The following ADAMTS17 variants were observed in gnomAD, a reference collection of about 807,000 sequenced individuals.
ADAMTS17 encodes A disintegrin and metalloproteinase with thrombospondin motifs 17.
A neutral mutation model predicts 141.5 loss-of-function variants in ADAMTS17; 113 were observed. That is an observed-to-expected ratio of 0.80 (90% confidence interval 0.69 to 0.93). The LOEUF (loss-of-function observed/expected upper bound fraction) is 0.93, where lower values mean the gene tolerates loss of function less well. Ranked by LOEUF, ADAMTS17 falls within the 40% of genes least tolerant of loss-of-function variation. The pLI, the probability that ADAMTS17 is intolerant of heterozygous loss-of-function variation, is 0.00. For missense variants in ADAMTS17, 1,659 were observed against 1,517.9 expected (o/e 1.09, Z -1.54); for synonymous variants, 768 against 630.6 (o/e 1.22, Z -3.27).
At position 100,269,649 on chromosome 15, in the gene ADAMTS17, C is replaced by T. The variant is rs540520527; in HGVS notation, c.790-7214G>A. Among the ~76,000 whole-genome samples the T allele has an allele frequency of 2.0e-5, 3 of 152,256 alleles. No individual in the cohort carries two copies. The East Asian group carries it at 5.8e-4, about 29-fold the overall frequency. ...TGGATTCCCTTCGGGGCTCTGATTC[C>T]TGGAGGAGGGACAGTAGACAGTCAG... On this transcript the variant is annotated intron_variant, in intron 4 of 21. Coordinates refer to ENST00000268070, the MANE Select transcript of ADAMTS17 (RefSeq NM_139057.4).
At chr15:100,302,231 C>T (rs913644804) in intron 3 of ADAMTS17, among the ~76,000 whole-genome samples, 12 of 152,222 alleles carry the variant, frequency 7.9e-5, no homozygotes, top group African/African-American at 2.9e-4. Context: ...CATGCTGCAG[C>T]AGGCATCAGT....
chr15:100,147,914 G>GTTCCTTCT (rs1342005395), intron 10 of ADAMTS17, among the ~76,000 whole-genome samples: 39 of 152,214 alleles, frequency 2.6e-4, no homozygotes, highest in Non-Finnish European at 5.1e-4. Flanking sequence ...GTGTCAATAG[G>GTTCCTTCT]GCTGGTTCCT....
intron 18 of ADAMTS17, among the ~76,000 whole-genome samples, chr15:100,039,489 C>T (rs566529171): frequency 6.6e-6 from 1 of 152,214 alleles, no homozygotes; most frequent in Admixed American, 6.5e-5. Context: ...CTTGTGATTT[C>T]TATTTGACCC....
intron 15 of ADAMTS17, among the ~76,000 whole-genome samples, chr15:100,086,964 A>T (rs1329173977): frequency 2.6e-5 from 4 of 152,120 alleles, no homozygotes; most frequent in Admixed American, 1.3e-4. Flanking sequence ...ATTCAAAAGC[A>T]TGCAGAAGGC....
chr15:100,030,715 A>C (rs1017687094), intron 18 of ADAMTS17, among the ~76,000 whole-genome samples: 2 of 152,180 alleles, frequency 1.3e-5, no homozygotes, highest in Admixed American at 6.5e-5. Flanking sequence ...GTTGCAATTT[A>C]CTCTGAAATA....
At chr15:100,075,670 T>C (rs1383550) in intron 15 of ADAMTS17, among the ~76,000 whole-genome samples, 5,961 of 152,346 alleles carry the variant, frequency 0.039, 419 homozygotes, top group African/African-American at 0.14. Flanking sequence ...TACAAGGCTA[T>C]ATTATCTGTA....
chr15:99,981,039 G>A (rs1010324129), intron 20 of ADAMTS17, among the ~76,000 whole-genome samples: 16 of 152,208 alleles, frequency 1.1e-4, no homozygotes, highest in African/African-American at 3.4e-4. Context: ...GGTTGGCACG[G>A]GTCCACGTCT....
intron 3 of ADAMTS17, among the ~76,000 whole-genome samples, chr15:100,319,917 C>T (rs1208577293): frequency 6.6e-6 from 1 of 151,320 alleles, no homozygotes; most frequent in Admixed American, 6.6e-5. Context: ...GCAGCAAGAG[C>T]GAAACTCTGT....
intron 8 of ADAMTS17, among the ~76,000 whole-genome samples, chr15:100,174,274 A>T (rs369022193): frequency 1.6e-4 from 25 of 152,266 alleles, no homozygotes; most frequent in African/African-American, 6.0e-4. Context: ...GGAGGGCAAT[A>T]GTGTTGGCAG....
intron 7 of ADAMTS17, among the ~76,000 whole-genome samples, chr15:100,240,641 C>T (rs141756138): frequency 5.3e-5 from 8 of 152,310 alleles, no homozygotes; most frequent in Non-Finnish European, 1.0e-4. Context: ...GCAGTTCCCC[C>T]ACAGCTGACC....
At chr15:100,210,799 T>C (rs1454579343) in intron 7 of ADAMTS17, among the ~76,000 whole-genome samples, 1 of 150,606 alleles carries the variant, frequency 6.6e-6, no homozygotes, top group African/African-American at 2.5e-5. Context: ...AAACCCCGTC[T>C]CTACTAAAAA....
chr15:100,131,008 C>T (rs2038010594), intron 12 of ADAMTS17, among the ~76,000 whole-genome samples: 1 of 152,068 alleles, frequency 6.6e-6, no homozygotes, highest in South Asian at 2.1e-4. Flanking sequence ...AAATGTGGCA[C>T]ATATACACCA....
chr15:100,199,557 C>T (rs2041243676), intron 7 of ADAMTS17, 134 bp from the exon 8 acceptor site: 2 of 787,600 alleles, frequency 2.5e-6, no homozygotes, highest in Admixed American at 1.8e-5. Flanking sequence ...AGCCTCAGCC[C>T]ACCTGGGAAG....
intron 6 of ADAMTS17, among the ~76,000 whole-genome samples, chr15:100,255,617 A>AACACACACACACACACACACAC (rs10529356): frequency 0.2 from 28,456 of 139,748 alleles, 3,519 homozygotes; most frequent in Admixed American, 0.28. Context: ...TGTTTTGAGC[A>AACACACACACACACACACACAC]ACACACACAC....
chr15:100,211,698 T>C (rs192668790), intron 7 of ADAMTS17, among the ~76,000 whole-genome samples: 11 of 152,236 alleles, frequency 7.2e-5, no homozygotes, highest in Admixed American at 7.2e-4. Context: ...AGAAAAGACA[T>C]AATGAAGACA....
In ADAMTS17 at chr15:100,070,228, C is replaced by G. The variant is rs990759641; in HGVS notation, c.2138-16174G>C. Among the ~76,000 whole-genome samples the G allele has an allele frequency of 1.4e-5, 2 of 147,452 alleles. 1 individual carries two copies. The highest frequency in any genetic ancestry group is 5.0e-5 in the African/African-American group (2 of 40,162). ...ATATATGCACCCAATACAGGAGCAC[C>G]CAGATTCATAAAGCAAGTCCTGAGT... is the stretch of plus-strand genomic sequence containing the variant. On this transcript the variant is annotated intron_variant, in intron 15 of 21. Coordinates refer to ENST00000268070, the MANE Select transcript of ADAMTS17 (RefSeq NM_139057.4).
At chr15:100,143,624 A>AT (rs2038761678) in intron 10 of ADAMTS17, among the ~76,000 whole-genome samples, 1 of 152,324 alleles carries the variant, frequency 6.6e-6, no homozygotes, top group South Asian at 2.1e-4. Context: ...TCTAGTTCAT[A>AT]TTTCCATAGA....
chr15:99,997,356 G>A lies in ADAMTS17; in HGVS notation c.2796+29C>T. 1 of 1,612,932 alleles carries A rather than the reference G, an allele frequency of 6.2e-7. No homozygotes were observed. On this transcript the variant is annotated intron_variant, in intron 19 of 21. Transcript: ENST00000268070. The surrounding 1 kb of genome is among the most constrained non-coding windows in gnomAD (Gnocchi z 4.7). The stretch of plus-strand genomic sequence containing the variant: ...GCACCGTGTTGGAGTCCCTGTGGCT[G>A]AGTCCTGGTGGCAAGCCCAGGCACC...
intron 21 of ADAMTS17, 122 bp from the exon 22 acceptor site, chr15:99,974,684 C>T: frequency 1.5e-6 from 2 of 1,292,260 alleles, no homozygotes; most frequent in Admixed American, 1.8e-5. Context: ...ACACGTCAAC[C>T]CTTTGCACTG....
Sources: allele counts gnomAD v4.1 joint callset (sites outside exome capture counted in the v4.1 genomes callset), GRCh38; gene constraint gnomAD v4.1.1; non-coding constraint Gnocchi (gnomAD v3.1); transcripts MANE v1.5; gene names NCBI Gene and HGNC (gene_info 2026-07-23, HGNC 2026-07-21).